The following DEPTOR variants were observed in gnomAD, a reference collection of about 807,000 sequenced individuals.
DEPTOR encodes DEP domain containing MTOR interacting protein.
Under a neutral mutation model 41.6 loss-of-function variants are expected in DEPTOR, and 41 were observed. The ratio of observed to expected loss-of-function variants is 0.98; its 90% CI spans 0.77 to 1.28. DEPTOR has a LOEUF of 1.28. Ranked by LOEUF, DEPTOR falls within the 50% of genes most tolerant of loss-of-function variation. The probability of loss-of-function intolerance (pLI) is 0.00; values close to 1 mark genes in which losing one functional copy is unlikely to be tolerated. For missense variants in DEPTOR, 514 were observed against 527.9 expected (o/e 0.97, Z 0.26); for synonymous variants, 195 against 192.3 (o/e 1.01, Z -0.12).
At position 120,002,438 on chromosome 8, in the gene DEPTOR, T is replaced by G. The variant is rs866265970; in HGVS notation, c.791-539T>G. Reference sequence around the variant, plus strand: ...CAGGTGTGAACCACTGCGCCCGGCCTTACAAGTAGTTTTTATATATCATTT... The same window carrying G: ...CAGGTGTGAACCACTGCGCCCGGCCGTACAAGTAGTTTTTATATATCATTT... On this transcript the variant is annotated intron_variant, in intron 5 of 8. Coordinates refer to ENST00000286234, the MANE Select transcript of DEPTOR (RefSeq NM_022783.4). 5.3e-5 allele frequency among the ~76,000 whole-genome samples: 8 copies of G among 152,170 alleles called. No individual in the cohort carries two copies. The Middle Eastern group carries it at 0.014, about 259-fold the overall frequency.
At chr8:119,875,178 A>G (rs2131328859) in intron 1 of DEPTOR, among the ~76,000 whole-genome samples, 1 of 152,304 alleles carries the variant, frequency 6.6e-6, no homozygotes, top group Middle Eastern at 3.4e-3. Context: ...TTCTAATGAA[A>G]CCTGTCACGC....
At chr8:120,024,877 A>G (rs1158476551) in intron 8 of DEPTOR, among the ~76,000 whole-genome samples, 1 of 152,222 alleles carries the variant, frequency 6.6e-6, no homozygotes, top group African/African-American at 2.4e-5. Flanking sequence ...GTGCCCAGAA[A>G]AATAATGGGG....
chr8:119,925,016 A>G (rs1295064048), intron 1 of DEPTOR, among the ~76,000 whole-genome samples: 1 of 152,192 alleles, frequency 6.6e-6, no homozygotes, highest in Non-Finnish European at 1.5e-5. Context: ...ATGGCTGGGG[A>G]AGCCTCATAA....
At position 119,980,197 on chromosome 8, in the gene DEPTOR, T is replaced by A. The variant is rs76563648; in HGVS notation, c.604+14787T>A. ...AAGGAGGAATGGGTTAAATTAATCT[T>A]CATAATATACTTTAACTCGCCATCT... On this transcript the variant is annotated intron_variant, in intron 4 of 8. Coordinates refer to ENST00000286234, the MANE Select transcript of DEPTOR (RefSeq NM_022783.4). Among the ~76,000 whole-genome samples, 335 of 152,028 alleles carry A rather than the reference T, an allele frequency of 2.2e-3. 1 individual carries two copies. Among genetic ancestry groups the A allele is most frequent in the Non-Finnish European group, 4.0e-3 (270 of 67,974 alleles).
intron 3 of DEPTOR, among the ~76,000 whole-genome samples, chr8:119,948,683 C>T (rs1261268183): frequency 6.6e-6 from 1 of 152,092 alleles, no homozygotes; most frequent in East Asian, 1.9e-4. Context: ...AACCCCTTAC[C>T]CCATAGCTAT....
At chr8:119,891,300 T>G (rs1827449899) in intron 1 of DEPTOR, 1 of 152,140 alleles carries the variant, frequency 6.6e-6, no homozygotes, top group South Asian at 2.1e-4. Flanking sequence ...AGACTTCTTT[T>G]ATAGTCTTAC....
chr8:119,883,636 G>T (rs1473650758), intron 1 of DEPTOR, among the ~76,000 whole-genome samples: 1 of 152,082 alleles, frequency 6.6e-6, no homozygotes, highest in Non-Finnish European at 1.5e-5. Flanking sequence ...GCTGAGGGAG[G>T]CTCAAGGCTC....
chr8:119,878,473 C>T (rs1445563202), intron 1 of DEPTOR, among the ~76,000 whole-genome samples: 2 of 151,898 alleles, frequency 1.3e-5, no homozygotes, highest in Admixed American at 6.6e-5. Context: ...GTGCGTGCCA[C>T]CACACCCAGT....
intron 4 of DEPTOR, chr8:119,969,984 T>G (rs1828612660): frequency 6.6e-6 from 1 of 152,202 alleles, no homozygotes; most frequent in African/African-American, 2.4e-5. Context: ...TTGAAACCAG[T>G]AAGTGTAAAA....
chr8:119,995,031 G>C (rs1188261571), intron 4 of DEPTOR, among the ~76,000 whole-genome samples: 1 of 151,862 alleles, frequency 6.6e-6, no homozygotes, highest in Non-Finnish European at 1.5e-5. Flanking sequence ...AAAAGATAGA[G>C]GAAATGAGTT....
intron 3 of DEPTOR, among the ~76,000 whole-genome samples, chr8:119,930,857 G>T (rs1021502436): frequency 6.6e-6 from 1 of 152,156 alleles, no homozygotes; most frequent in African/African-American, 2.4e-5. Context: ...AAGGGGTGCA[G>T]AAGCAATGGC....
At position 119,929,855 on chromosome 8, in the gene DEPTOR, C is replaced by G; in HGVS notation, c.342C>G (p.Phe114Leu). ...EHKEFKDVKL[F>L]YRFRKDDGTF... is the part of the protein sequence containing the mutation. ...AGGAATTCAAGGATGTCAAACTCTT[C>G]TACCGCTTTAGAAAGGATGACGGCA... The change falls in exon 3 of 9, where the codon TTC becomes TTG. Residue 114 changes from phenylalanine (F) to leucine (L), a missense_variant. Physicochemically the swap from Phe to Leu is conservative, Grantham distance 22 (BLOSUM62 0). Transcript: ENST00000286234. 6 of 1,613,832 alleles carry G rather than the reference C, an allele frequency of 3.7e-6. No homozygotes were observed. The highest frequency in any genetic ancestry group is 4.2e-6 in the Non-Finnish European group (5 of 1,179,784).
At chr8:119,875,443 G>C (rs1323061432) in intron 1 of DEPTOR, among the ~76,000 whole-genome samples, 1 of 152,196 alleles carries the variant, frequency 6.6e-6, no homozygotes, top group Non-Finnish European at 1.5e-5. Flanking sequence ...ATCCCTTGGA[G>C]AATAAATGTT....
chr8:119,951,364 C>T (rs1193843131), intron 3 of DEPTOR, among the ~76,000 whole-genome samples: 1 of 152,032 alleles, frequency 6.6e-6, no homozygotes, highest in African/African-American at 2.4e-5. Context: ...CACTTGGTTT[C>T]TCTCCTTCTT....
At chr8:119,943,462 T>G (rs1828229929) in intron 3 of DEPTOR, among the ~76,000 whole-genome samples, 1 of 151,934 alleles carries the variant, frequency 6.6e-6, no homozygotes, top group South Asian at 2.1e-4. Flanking sequence ...AACCATCAGA[T>G]CTCGTGAGAA....
intron 1 of DEPTOR, among the ~76,000 whole-genome samples, chr8:119,881,639 T>G (rs991620711): frequency 1.3e-5 from 2 of 151,230 alleles, no homozygotes; most frequent in Non-Finnish European, 2.9e-5. Context: ...CAAGGAGAAA[T>G]AATTCATTTT....
At chr8:119,908,445 T>G (rs113125709) in intron 1 of DEPTOR, among the ~76,000 whole-genome samples, 1 of 152,118 alleles carries the variant, frequency 6.6e-6, no homozygotes, top group African/African-American at 2.4e-5. Context: ...AAAAAAAAAT[T>G]TTTTTTAACC....
intron 3 of DEPTOR, among the ~76,000 whole-genome samples, chr8:119,937,472 A>G (rs1448019757): frequency 1.3e-5 from 2 of 152,322 alleles, no homozygotes; most frequent in Admixed American, 1.3e-4. Context: ...TAGTGGTTAC[A>G]TATAATTTTA....
At chr8:119,989,864 T>G (rs1373991903) in intron 4 of DEPTOR, among the ~76,000 whole-genome samples, 1 of 152,236 alleles carries the variant, frequency 6.6e-6, no homozygotes, top group Non-Finnish European at 1.5e-5. Context: ...ACGTGCTTGT[T>G]AAGTAAATCA....
Sources: allele counts gnomAD v4.1 joint callset (sites outside exome capture counted in the v4.1 genomes callset), GRCh38; gene constraint gnomAD v4.1.1; transcripts MANE v1.5; gene names NCBI Gene and HGNC (gene_info 2026-07-23, HGNC 2026-07-21).